Variants in HIVEP3 observed in about 807,000 individuals in gnomAD.
HIVEP3 encodes transcription factor HIVEP3.
In HIVEP3, 49 loss-of-function variants were observed where a neutral mutation model predicts 152.8. The observed-to-expected ratio is 0.32, with a 90% CI of 0.26 to 0.41. The LOEUF (loss-of-function observed/expected upper bound fraction) is 0.41, where lower values mean the gene tolerates loss of function less well. HIVEP3 is among the 10% of genes least tolerant of loss of function. The pLI, the probability that HIVEP3 is intolerant of heterozygous loss-of-function variation, is 1.00. For missense variants in HIVEP3, 2,790 were observed against 3,103.3 expected (o/e 0.90, Z 2.40); for synonymous variants, 1,269 against 1,289.0 (o/e 0.98, Z 0.33).
chr1:41,751,837 G>A (rs143552444), intron 1 of HIVEP3, among the ~76,000 whole-genome samples: 1 of 152,274 alleles, frequency 6.6e-6, no homozygotes, highest in East Asian at 1.9e-4. Flanking sequence ...CACACAGATG[G>A]TATCATACTC....
chr1:41,596,117 G>A (rs1191098929), intron 3 of HIVEP3, among the ~76,000 whole-genome samples: 1 of 152,118 alleles, frequency 6.6e-6, no homozygotes, highest in African/African-American at 2.4e-5. Context: ...GACACTGGGA[G>A]GTGTTTCCAC....
At chr1:41,692,174 T>G (rs1195415594) in intron 2 of HIVEP3, among the ~76,000 whole-genome samples, 31 of 152,230 alleles carry the variant, frequency 2.0e-4, no homozygotes, top group Non-Finnish European at 1.8e-4. Context: ...CTAATGTGCG[T>G]GTTCCCAGAT....
intron 5 of HIVEP3, among the ~76,000 whole-genome samples, chr1:41,525,964 C>A (rs1642889227): frequency 6.6e-6 from 1 of 151,128 alleles, no homozygotes; most frequent in Admixed American, 6.6e-5. Flanking sequence ...GGCTTCTCAA[C>A]CTGTGGGGCG....
chr1:41,984,869 G>T (rs1645312898), intron 1 of HIVEP3, among the ~76,000 whole-genome samples: 1 of 152,028 alleles, frequency 6.6e-6, no homozygotes. Flanking sequence ...CTGCCCTCTA[G>T]GGGCATATAA....
At chr1:41,841,469 G>A (rs891541592) in intron 1 of HIVEP3, among the ~76,000 whole-genome samples, 3 of 152,206 alleles carry the variant, frequency 2.0e-5, no homozygotes, top group Admixed American at 2.0e-4. Flanking sequence ...GCACTGATAA[G>A]CTGGACCCTG....
At chr1:42,008,087 CTT>C (rs1472862934) in intron 1 of HIVEP3, among the ~76,000 whole-genome samples, 1 of 152,114 alleles carries the variant, frequency 6.6e-6, no homozygotes, top group Non-Finnish European at 1.5e-5. Context: ...ATTTTCCATG[CTT>C]TGTTTTTAAA....
chr1:41,982,784 T>C (rs944967428), intron 1 of HIVEP3, among the ~76,000 whole-genome samples: 3 of 152,204 alleles, frequency 2.0e-5, no homozygotes, highest in African/African-American at 4.8e-5. Flanking sequence ...TCTTGGCCAA[T>C]TGAAAGACAG....
intron 2 of HIVEP3, among the ~76,000 whole-genome samples, chr1:41,666,112 G>GGT (rs1243544119): frequency 2.8e-5 from 4 of 143,298 alleles, no homozygotes; most frequent in Non-Finnish European, 5.9e-5. Context: ...TCCTGTTTGG[G>GGT]GTGTGTGTGC....
chr1:41,813,071 C>T (rs1323013139), intron 1 of HIVEP3, among the ~76,000 whole-genome samples: 1 of 152,116 alleles, frequency 6.6e-6, no homozygotes, highest in Non-Finnish European at 1.5e-5. Flanking sequence ...TGGAGTCTTG[C>T]TCTGAAGCCT....
intron 5 of HIVEP3, chr1:41,535,766 G>A (rs1177007052): frequency 1.3e-5 from 2 of 152,164 alleles, no homozygotes; most frequent in African/African-American, 4.8e-5. Flanking sequence ...ACTGAATACA[G>A]AAGGAAGCAG....
At chr1:41,813,536 A>T (rs2124331371) in intron 1 of HIVEP3, among the ~76,000 whole-genome samples, 1 of 152,298 alleles carries the variant, frequency 6.6e-6, no homozygotes, top group Admixed American at 6.5e-5. Context: ...AACAGGTGCG[A>T]CTTCTCTCCG....
rs3032007 is a variant in HIVEP3 at position 41,845,419 on chromosome 1, G to GCACACACA, written c.-801+72986_-801+72993dup. Among the ~76,000 whole-genome samples, 118 of 136,184 alleles carry GCACACACA rather than the reference G, an allele frequency of 8.7e-4. 2 individuals carry two copies. The highest frequency in any genetic ancestry group is 3.6e-3 in the Middle Eastern group (1 of 280). 89.3% of individuals were successfully genotyped at this position (136,184 alleles called of 152,430 possible). ...ACACCTCCTATACACACACACACAC[G>GCACACACA]CACACACACACACACACACACACAC... On this transcript the variant is annotated intron_variant, in intron 1 of 8. Coordinates refer to ENST00000372583, the MANE Select transcript of HIVEP3 (RefSeq NM_024503.5).
At chr1:41,740,830 C>A (rs1646986465) in intron 1 of HIVEP3, among the ~76,000 whole-genome samples, 1 of 152,166 alleles carries the variant, frequency 6.6e-6, no homozygotes, top group Admixed American at 6.5e-5. Context: ...GTGACCCAAG[C>A]AACCCCCTGC....
At chr1:41,726,421 C>T (rs1458641993) in intron 1 of HIVEP3, among the ~76,000 whole-genome samples, 1 of 152,196 alleles carries the variant, frequency 6.6e-6, no homozygotes, top group East Asian at 1.9e-4. Context: ...GAAGCTGTTA[C>T]AGATTTTGTA....
At chr1:41,776,004 G>A (rs1217367235) in intron 1 of HIVEP3, among the ~76,000 whole-genome samples, 1 of 152,190 alleles carries the variant, frequency 6.6e-6, no homozygotes, top group Non-Finnish European at 1.5e-5. Context: ...CACTGTCAGT[G>A]AAGAATAGAT....
At chr1:41,870,390 A>G (rs1644057642) in intron 1 of HIVEP3, among the ~76,000 whole-genome samples, 2 of 152,156 alleles carry the variant, frequency 1.3e-5, no homozygotes, top group African/African-American at 4.8e-5. Context: ...AATCACACAC[A>G]CAATACTGAT....
intron 1 of HIVEP3, among the ~76,000 whole-genome samples, chr1:41,781,261 G>C (rs557432737): frequency 7.2e-5 from 11 of 152,324 alleles, no homozygotes; most frequent in Admixed American, 2.0e-4. Context: ...GGTGGGGAAA[G>C]TTATCATTGT....
chr1:41,694,763 C>A (rs529612965), intron 2 of HIVEP3, among the ~76,000 whole-genome samples: 68 of 152,338 alleles, frequency 4.5e-4, no homozygotes, highest in Non-Finnish European at 7.9e-4. Context: ...TCACCATGTG[C>A]CTGTCGCTGA....
chr1:41,571,282 A>T (rs908322925), intron 5 of HIVEP3, among the ~76,000 whole-genome samples: 1 of 152,234 alleles, frequency 6.6e-6, no homozygotes, highest in African/African-American at 2.4e-5. Flanking sequence ...TTTCCTTGCA[A>T]TAAGTGAACT....
Sources: allele counts gnomAD v4.1 joint callset (sites outside exome capture counted in the v4.1 genomes callset), GRCh38; gene constraint gnomAD v4.1.1; transcripts MANE v1.5; gene names NCBI Gene and HGNC (gene_info 2026-07-23, HGNC 2026-07-21).